The following KIAA1328 variants were observed in gnomAD, a reference collection of about 807,000 sequenced individuals.
KIAA1328 encodes KIAA1328.
Under a neutral mutation model 68.1 loss-of-function variants are expected in KIAA1328, and 52 were observed. That is an observed-to-expected ratio of 0.76 (90% CI 0.61 to 0.96). The LOEUF (loss-of-function observed/expected upper bound fraction) is 0.96, where lower values mean the gene tolerates loss of function less well. KIAA1328 is among the 40% of genes least tolerant of loss of function. KIAA1328 has a pLI of 0.00. For missense variants in KIAA1328, 641 were observed against 677.6 expected (o/e 0.95, Z 0.60); for synonymous variants, 232 against 239.4 (o/e 0.97, Z 0.28).
chr18:36,881,773 G>T (rs988310551), intron 4 of KIAA1328, among the ~76,000 whole-genome samples: 3 of 152,064 alleles, frequency 2.0e-5, no homozygotes, highest in African/African-American at 7.2e-5. Context: ...CATATGGTAG[G>T]TATCATGTAT....
intron 6 of KIAA1328, among the ~76,000 whole-genome samples, chr18:36,968,454 G>T (rs1212320436): frequency 6.6e-6 from 1 of 152,114 alleles, no homozygotes; most frequent in Non-Finnish European, 1.5e-5. Context: ...ACAGAAAAAA[G>T]TAAGGGTTGC....
chr18:37,063,786 A>G (rs1430641047), intron 6 of KIAA1328, among the ~76,000 whole-genome samples: 1 of 152,210 alleles, frequency 6.6e-6, no homozygotes, highest in Non-Finnish European at 1.5e-5. Flanking sequence ...AGTACCATTA[A>G]AGTAAGTGTA....
intron 5 of KIAA1328, among the ~76,000 whole-genome samples, chr18:36,900,514 G>C (rs1191699154): frequency 6.6e-6 from 1 of 151,746 alleles, no homozygotes; most frequent in Non-Finnish European, 1.5e-5. Flanking sequence ...AGCACTGCTG[G>C]TGTTTAAGAG....
intron 5 of KIAA1328, among the ~76,000 whole-genome samples, chr18:36,907,381 AG>A (rs1040934125): frequency 5.9e-5 from 9 of 152,096 alleles, no homozygotes; most frequent in Non-Finnish European, 1.0e-4. Flanking sequence ...TTAGTGGAAA[AG>A]CAAATTACTC....
chr18:37,212,950 A>G (rs1285283714), intron 9 of KIAA1328, among the ~76,000 whole-genome samples: 1 of 152,056 alleles, frequency 6.6e-6, no homozygotes, highest in Non-Finnish European at 1.5e-5. Context: ...AACTCCTGAC[A>G]TCAAGTGATC....
At chr18:37,141,097 T>C (rs1265531432) in intron 7 of KIAA1328, among the ~76,000 whole-genome samples, 1 of 152,206 alleles carries the variant, frequency 6.6e-6, no homozygotes, top group Non-Finnish European at 1.5e-5. Flanking sequence ...TAATCAACTT[T>C]ACTTAAATAT....
At chr18:36,884,350 A>G (rs2048425119) in intron 4 of KIAA1328, among the ~76,000 whole-genome samples, 1 of 152,068 alleles carries the variant, frequency 6.6e-6, no homozygotes. Flanking sequence ...GGTATGCTAA[A>G]CATAAATAAT....
At position 37,224,105 on chromosome 18, in the gene KIAA1328, A is replaced by C; in HGVS notation, c.*1878A>C. The stretch of plus-strand genomic sequence containing the variant: ...CTCAGCCATTTTTTCAGTTAAAGTT[A>C]GGTTGCCAGAACTTTCTTTTCCTTG... On this transcript the variant is annotated 3_prime_UTR_variant, in exon 10 of 10. Transcript: ENST00000280020. 1.0e-6 allele frequency: 1 copy of C among 985,376 alleles called. No individual in the cohort carries two copies. Among genetic ancestry groups the C allele is most frequent in the Non-Finnish European group, 1.2e-6 (1 of 829,932 alleles). The allele number at this position is 985,376 out of a possible 1,614,324, so 61.0% of individuals were successfully genotyped here. A position where few individuals can be genotyped will look rare whatever the true frequency, so the allele number is the denominator to read the frequency against.
intron 5 of KIAA1328, among the ~76,000 whole-genome samples, chr18:36,953,298 A>G (rs2051242693): frequency 1.4e-5 from 2 of 147,358 alleles, no homozygotes; most frequent in Admixed American, 1.4e-4. Flanking sequence ...ATTTATATTT[A>G]TTATATACAA....
At chr18:36,914,278 G>A (rs557534384) in intron 5 of KIAA1328, among the ~76,000 whole-genome samples, 1 of 152,292 alleles carries the variant, frequency 6.6e-6, no homozygotes, top group East Asian at 1.9e-4. Context: ...AAGGGAAGGC[G>A]CTGTGATAAG....
intron 6 of KIAA1328, among the ~76,000 whole-genome samples, chr18:37,004,424 A>G (rs371459125): frequency 1.3e-5 from 2 of 152,118 alleles, no homozygotes. Flanking sequence ...AATATAAACA[A>G]TCTCATCATA....
At chr18:36,831,226 A>G (rs1433812908) in intron 1 of KIAA1328, among the ~76,000 whole-genome samples, 2 of 152,242 alleles carry the variant, frequency 1.3e-5, no homozygotes, top group African/African-American at 4.8e-5. Context: ...AAACATTTAG[A>G]GAAATGTGAT....
At chr18:37,228,317 A>G (rs757973598), downstream of KIAA1328, among the ~76,000 whole-genome samples, 1 of 152,244 alleles carries the variant, frequency 6.6e-6, no homozygotes, top group Non-Finnish European at 1.5e-5. Flanking sequence ...ATTGACTCCA[A>G]TTTTGAAAGA....
rs116870217 is a variant in KIAA1328 at position 37,073,409 on chromosome 18, A to T, written c.1232+5864A>T. ...TATGTGGCCAACAAACATATGAAAA[A>T]AAGCTCAACATCATATTAGAGAAAT... On this transcript the variant is annotated intron_variant, in intron 7 of 9. Coordinates refer to ENST00000280020, the MANE Select transcript of KIAA1328 (RefSeq NM_020776.3). Among the ~76,000 whole-genome samples the T allele has an allele frequency of 2.1e-4, 32 of 152,354 alleles. No individual in the cohort carries two copies. In the East Asian group the frequency reaches 6.2e-3, roughly 29 times the overall value.
At chr18:37,148,645 T>C (rs2058959864) in intron 7 of KIAA1328, among the ~76,000 whole-genome samples, 1 of 152,226 alleles carries the variant, frequency 6.6e-6, no homozygotes, top group South Asian at 2.1e-4. Flanking sequence ...TTTCTTGACT[T>C]TTTAGTAATA....
chr18:37,064,325 T>C (rs1272492550), intron 6 of KIAA1328, among the ~76,000 whole-genome samples: 1 of 152,166 alleles, frequency 6.6e-6, no homozygotes, highest in East Asian at 1.9e-4. Flanking sequence ...ATAAGAAACA[T>C]GATGTTGCTG....
chr18:37,061,483 C>T (rs992469261), intron 6 of KIAA1328, among the ~76,000 whole-genome samples: 8 of 152,104 alleles, frequency 5.3e-5, no homozygotes, highest in South Asian at 2.1e-4. Context: ...TTGTAAATTA[C>T]GCCTCAATGT....
intron 6 of KIAA1328, among the ~76,000 whole-genome samples, chr18:36,962,202 C>A (rs1168376466): frequency 6.6e-6 from 1 of 152,152 alleles, no homozygotes; most frequent in Non-Finnish European, 1.5e-5. Context: ...TTTAAACCAA[C>A]AAAGATCAAA....
chr18:37,024,045 G>A (rs992257608), intron 6 of KIAA1328, among the ~76,000 whole-genome samples: 2 of 152,048 alleles, frequency 1.3e-5, no homozygotes, highest in Admixed American at 6.6e-5. Flanking sequence ...TGCCAGGCTG[G>A]AGTGCAGTTG....
Sources: gnomAD v4.1 joint callset for allele counts (sites outside exome capture counted in the v4.1 genomes callset) on GRCh38, gnomAD v4.1.1 for gene constraint, MANE v1.5 for transcripts, NCBI Gene and HGNC (gene_info 2026-07-23, HGNC 2026-07-21) for gene names.